The following SUMF1 variants were observed in gnomAD, a reference collection of about 807,000 sequenced individuals.
SUMF1 encodes the protein formylglycine-generating enzyme.
SUMF1 carries 48 observed loss-of-function variants against 47.6 expected under a neutral mutation model. That is an observed-to-expected ratio of 1.01 (90% CI 0.80 to 1.28). SUMF1 has a LOEUF of 1.28. Among genes scored for constraint, SUMF1 ranks in the 50% most tolerant of loss-of-function variants. The pLI is 0.00. For synonymous variants in SUMF1, 230 were observed against 192.1 expected, an observed-to-expected ratio of 1.20 and a Z score of -1.63; for missense variants, 571 against 485.4, an observed-to-expected ratio of 1.18 and a Z score of -1.66.
At chr3:4,412,342 CAA>C (rs2125014706) in intron 6 of SUMF1, among the ~76,000 whole-genome samples, 1 of 152,260 alleles carries the variant, frequency 6.6e-6, no homozygotes, top group African/African-American at 2.4e-5. Flanking sequence ...GAGAAACTCG[CAA>C]GAGAGAGAAG....
intron 8 of SUMF1, among the ~76,000 whole-genome samples, chr3:4,276,020 AAG>A (rs998007208): frequency 7.2e-5 from 11 of 152,170 alleles, no homozygotes; most frequent in Non-Finnish European, 1.5e-4. Flanking sequence ...ACCTATCCAT[AAG>A]AAATAAAATA....
chr3:4,134,563 A>G, intron 8 of SUMF1, among the ~76,000 whole-genome samples: 1 of 152,162 alleles, frequency 6.6e-6, no homozygotes, highest in Non-Finnish European at 1.5e-5. Context: ...AAAGAACTAG[A>G]GAAGCAAGAG....
chr3:4,165,181 T>G (rs188950573), intron 8 of SUMF1, among the ~76,000 whole-genome samples: 23 of 152,306 alleles, frequency 1.5e-4, no homozygotes, highest in Admixed American at 1.3e-4. Flanking sequence ...TAAAGCCGCA[T>G]TCTTTTCATT....
chr3:4,359,942 T>C (rs144766300), downstream of SUMF1, among the ~76,000 whole-genome samples: 120 of 152,242 alleles, frequency 7.9e-4, 1 homozygote, highest in East Asian at 0.016. Context: ...GTCCCCAACT[T>C]AGGAATTCAT....
chr3:4,166,764 T>G (rs1434586485), intron 8 of SUMF1, among the ~76,000 whole-genome samples: 1 of 152,110 alleles, frequency 6.6e-6, no homozygotes, highest in African/African-American at 2.4e-5. Context: ...ACCAACTTTT[T>G]TTCGGGACCC....
intron 1 of SUMF1, among the ~76,000 whole-genome samples, chr3:4,459,774 G>A (rs17040714): frequency 6.6e-6 from 1 of 152,052 alleles, no homozygotes; most frequent in Non-Finnish European, 1.5e-5. Flanking sequence ...CAGAACCCTT[G>A]TAATTGGTGT....
In SUMF1 at chr3:4,088,239, C is replaced by T. The variant is rs143824982; in HGVS notation, c.1015-19494G>A. Among the ~76,000 whole-genome samples, 6 of 152,184 alleles carry T rather than the reference C, an allele frequency of 3.9e-5. No individual in the cohort carries two copies. The East Asian group carries it at 1.2e-3, about 29-fold the overall frequency. On this transcript the variant is annotated intron_variant and NMD_transcript_variant, in intron 8 of 12. Coordinates refer to the SUMF1 transcript ENST00000448413. ...TCTTCCATCTATTCCTTCCACTCTC[C>T]ATACTCAGGTAAGACCAGTCTGCTT...
intron 8 of SUMF1, among the ~76,000 whole-genome samples, chr3:4,241,073 G>C (rs1696527159): frequency 1.3e-5 from 2 of 151,974 alleles, no homozygotes; most frequent in South Asian, 4.1e-4. Flanking sequence ...AGTAGTGGTT[G>C]GTTTATTAGA....
chr3:4,246,416 G>C (rs995072817), intron 8 of SUMF1, among the ~76,000 whole-genome samples: 1 of 151,780 alleles, frequency 6.6e-6, no homozygotes, highest in African/African-American at 2.4e-5. Flanking sequence ...TTTTGTTTTT[G>C]TTTTTGACAG....
At chr3:4,182,424 A>G (rs1695115948) in intron 8 of SUMF1, among the ~76,000 whole-genome samples, 2 of 149,112 alleles carry the variant, frequency 1.3e-5, no homozygotes, top group African/African-American at 2.4e-5. Context: ...TTATTATTAT[A>G]TTTTTTATTA....
intron 8 of SUMF1, among the ~76,000 whole-genome samples, chr3:4,121,297 G>C (rs1451026186): frequency 6.6e-6 from 1 of 152,042 alleles, no homozygotes; most frequent in Non-Finnish European, 1.5e-5. Context: ...ACCTCTCCAA[G>C]GTCAAATAAC....
intron 8 of SUMF1, among the ~76,000 whole-genome samples, chr3:4,079,049 G>C (rs939657629): frequency 4.6e-5 from 7 of 152,030 alleles, no homozygotes; most frequent in African/African-American, 1.7e-4. Context: ...GACATTGTTT[G>C]TCATCTGTAC....
At chr3:4,401,005 C>T (rs1400704843) in intron 7 of SUMF1, among the ~76,000 whole-genome samples, 1 of 132,592 alleles carries the variant, frequency 7.5e-6, no homozygotes, top group Non-Finnish European at 1.6e-5. Flanking sequence ...TGATGTTCCT[C>T]ACCCGGTGTC....
intron 7 of SUMF1, among the ~76,000 whole-genome samples, chr3:4,383,273 G>T (rs1455173291): frequency 6.6e-6 from 1 of 152,120 alleles, no homozygotes; most frequent in Admixed American, 6.5e-5. Flanking sequence ...CAGCTTTTAG[G>T]GATGCTGAGG....
At chr3:4,119,965 A>G (rs567756577) in intron 8 of SUMF1, among the ~76,000 whole-genome samples, 42 of 152,104 alleles carry the variant, frequency 2.8e-4, no homozygotes, top group Middle Eastern at 3.4e-3. Flanking sequence ...AGCATCATCC[A>G]CCTATGAGCT....
chr3:4,040,355 C>A (rs1011824037), intron 9 of SUMF1, among the ~76,000 whole-genome samples: 1 of 152,152 alleles, frequency 6.6e-6, no homozygotes, highest in Non-Finnish European at 1.5e-5. Context: ...AATTTTACAA[C>A]ATACTATGGT....
chr3:4,277,230 C>T (rs1467952176), intron 8 of SUMF1, among the ~76,000 whole-genome samples: 1 of 152,118 alleles, frequency 6.6e-6, no homozygotes, highest in Non-Finnish European at 1.5e-5. Context: ...AGTCTAATCA[C>T]ATTATTTAAC....
intron 8 of SUMF1, among the ~76,000 whole-genome samples, chr3:4,078,499 C>A (rs1480149298): frequency 6.6e-6 from 1 of 151,994 alleles, no homozygotes; most frequent in Non-Finnish European, 1.5e-5. Flanking sequence ...GTAGGAGCCT[C>A]TAAAAAAATG....
At position 4,189,224 on chromosome 3, in the gene SUMF1, C is replaced by T. The variant is rs1156998482; in HGVS notation, c.1015-120479G>A. On this transcript the variant is annotated intron_variant and NMD_transcript_variant, in intron 8 of 12. Transcript: ENST00000448413. The stretch of plus-strand genomic sequence containing the variant: ...AGGACAGAACAGGAAAGCCTATTTG[C>T]GGGGAGGGGTCCAAAATTGGGAGAG... Among the ~76,000 whole-genome samples the T allele has an allele frequency of 9.2e-5, 14 of 151,954 alleles. 1 individual carries two copies. The highest frequency in any genetic ancestry group is 2.2e-4 in the African/African-American group (9 of 41,378).
Sources: gnomAD v4.1 joint callset for allele counts (sites outside exome capture counted in the v4.1 genomes callset) on GRCh38, gnomAD v4.1.1 for gene constraint, MANE v1.5 for transcripts, NCBI Gene and HGNC (gene_info 2026-07-23, HGNC 2026-07-21) for gene names.